MALRD1: variants seen among roughly 807,000 people sequenced by gnomAD.
MALRD1 encodes MAM and LDL receptor class A domain containing 1.
Under a neutral mutation model 242.1 loss-of-function variants are expected in MALRD1, and 247 were observed. The observed-to-expected ratio is 1.02, with a 90% CI of 0.92 to 1.13. The LOEUF (loss-of-function observed/expected upper bound fraction) is 1.13. Among genes scored for constraint, MALRD1 ranks in the 50% most tolerant of loss-of-function variants. The pLI is 0.00. For missense variants in MALRD1, 2,989 were observed against 2,533.1 expected (o/e 1.18, Z -3.86); for synonymous variants, 995 against 866.6 (o/e 1.15, Z -2.60).
At chr10:19,077,980 C>T (rs1007653148) in intron 2 of MALRD1, among the ~76,000 whole-genome samples, 2 of 151,778 alleles carry the variant, frequency 1.3e-5, no homozygotes, top group Non-Finnish European at 1.5e-5. Flanking sequence ...TCCCTTCTTA[C>T]ATGAAAACAT....
chr10:19,187,951 A>G (rs1026901419), intron 14 of MALRD1, among the ~76,000 whole-genome samples: 7 of 152,176 alleles, frequency 4.6e-5, no homozygotes, highest in Non-Finnish European at 1.0e-4. Flanking sequence ...TATATCTAAA[A>G]TAAAAGTCGA....
chr10:19,102,833 T>A (rs1333248367), intron 4 of MALRD1, among the ~76,000 whole-genome samples: 1 of 147,252 alleles, frequency 6.8e-6, no homozygotes, highest in Admixed American at 7.0e-5. Context: ...CTCCACATCC[T>A]AATGTCACGT....
chr10:19,251,659 G>A (rs1272370403), intron 18 of MALRD1, among the ~76,000 whole-genome samples: 2 of 151,964 alleles, frequency 1.3e-5, no homozygotes, highest in African/African-American at 4.8e-5. Context: ...TTTCTGATTT[G>A]AACTGTGCAA....
chr10:19,080,554 T>TG (rs1454656177), intron 2 of MALRD1, among the ~76,000 whole-genome samples: 4 of 152,098 alleles, frequency 2.6e-5, no homozygotes, highest in Non-Finnish European at 5.9e-5. Context: ...CTGGGAGAAC[T>TG]GGCTACCCAT....
intron 31 of MALRD1, among the ~76,000 whole-genome samples, chr10:19,517,594 C>T (rs770173531): frequency 6.6e-6 from 1 of 152,132 alleles, no homozygotes; most frequent in Non-Finnish European, 1.5e-5. Context: ...ATGAAATCAG[C>T]TGGTGTTCCA....
intron 26 of MALRD1, among the ~76,000 whole-genome samples, chr10:19,368,906 T>TGA (rs1004017898): frequency 2.9e-4 from 44 of 150,060 alleles, no homozygotes; most frequent in African/African-American, 1.0e-3. Context: ...TGTGTGTGTG[T>TGA]GTGTGTGTGT....
chr10:19,251,627 T>G (rs2131786384), intron 18 of MALRD1, among the ~76,000 whole-genome samples: 1 of 152,072 alleles, frequency 6.6e-6, no homozygotes, highest in African/African-American at 2.4e-5. Flanking sequence ...CCAAGTAGGG[T>G]AAAATATCAG....
intron 29 of MALRD1, among the ~76,000 whole-genome samples, chr10:19,486,778 A>G (rs1193219065): frequency 1.3e-5 from 2 of 152,094 alleles, no homozygotes; most frequent in Non-Finnish European, 2.9e-5. Context: ...AGTGTAATGA[A>G]CTCTGTGTAC....
chr10:19,423,560 T>C (rs1357082488), intron 28 of MALRD1, among the ~76,000 whole-genome samples: 1 of 151,994 alleles, frequency 6.6e-6, no homozygotes, highest in Non-Finnish European at 1.5e-5. Context: ...CTGCAAGCTA[T>C]GTAGTACAGG....
intron 26 of MALRD1, among the ~76,000 whole-genome samples, chr10:19,360,446 A>G (rs773902232): frequency 2.0e-5 from 3 of 152,014 alleles, no homozygotes; most frequent in Admixed American, 6.6e-5. Flanking sequence ...GCTTTTTTGT[A>G]TATTTGTCCT....
intron 2 of MALRD1, among the ~76,000 whole-genome samples, chr10:19,070,510 T>G (rs1348934837): frequency 6.6e-6 from 1 of 152,182 alleles, no homozygotes; most frequent in African/African-American, 2.4e-5. Flanking sequence ...ATTGTATTTT[T>G]CAATTCTAAA....
chr10:19,511,721 T>C (rs1316078074), intron 31 of MALRD1, among the ~76,000 whole-genome samples: 3 of 152,186 alleles, frequency 2.0e-5, no homozygotes, highest in African/African-American at 7.2e-5. Context: ...ATCTCTAAGA[T>C]CATGTAGGGA....
At chr10:19,301,707 T>C (rs1007891049) in intron 21 of MALRD1, among the ~76,000 whole-genome samples, 2 of 151,702 alleles carry the variant, frequency 1.3e-5, no homozygotes, top group African/African-American at 4.8e-5. Flanking sequence ...CACCGGGACC[T>C]TCTTGAGGGT....
At chr10:19,538,872 G>A (rs896153426) in intron 32 of MALRD1, among the ~76,000 whole-genome samples, 2 of 151,816 alleles carry the variant, frequency 1.3e-5, no homozygotes, top group African/African-American at 2.4e-5. Flanking sequence ...CCGATAGTTC[G>A]TATTTCAGAA....
intron 32 of MALRD1, among the ~76,000 whole-genome samples, chr10:19,535,480 TATGC>T (rs887768028): frequency 2.0e-5 from 3 of 150,370 alleles, no homozygotes; most frequent in African/African-American, 7.3e-5. Flanking sequence ...TATATGTGTA[TATGC>T]ATATACATAT....
At chr10:19,349,136 T>G (rs1844255896) in intron 25 of MALRD1, among the ~76,000 whole-genome samples, 1 of 152,084 alleles carries the variant, frequency 6.6e-6, no homozygotes, top group Non-Finnish European at 1.5e-5. Context: ...AATTTCTGTA[T>G]TTTTAGTAGC....
In MALRD1 at chr10:19,283,972, G is replaced by C. The variant is rs540548606; in HGVS notation, c.3419+791G>C. Among the ~76,000 whole-genome samples the C allele has an allele frequency of 3.3e-5, 5 of 152,158 alleles. No homozygotes were observed. The East Asian group carries it at 5.8e-4, about 18-fold the overall frequency. On this transcript the variant is annotated intron_variant, in intron 21 of 39. Coordinates refer to ENST00000454679, the MANE Select transcript of MALRD1 (RefSeq NM_001142308.3). ...CAATAAATAGAAAGCGCTGCAGATG[G>C]TGTTAACTGCTACACAGCAGAAGGG...
At chr10:19,196,532 CTT>C (rs1285758994) in intron 14 of MALRD1, among the ~76,000 whole-genome samples, 1 of 83,642 alleles carries the variant, frequency 1.2e-5, no homozygotes, top group Non-Finnish European at 2.3e-5. Flanking sequence ...GGGCACCACT[CTT>C]TGTTTTTTTT....
intron 36 of MALRD1, among the ~76,000 whole-genome samples, chr10:19,662,528 C>T (rs904520998): frequency 1.3e-5 from 2 of 152,106 alleles, no homozygotes; most frequent in African/African-American, 4.8e-5. Flanking sequence ...ACTCTTAAAA[C>T]GTTATGTATT....
Sources: gnomAD v4.1 joint callset for allele counts (sites outside exome capture counted in the v4.1 genomes callset) on GRCh38, gnomAD v4.1.1 for gene constraint, MANE v1.5 for transcripts, NCBI Gene and HGNC (gene_info 2026-07-23, HGNC 2026-07-21) for gene names.